RYR2: variants seen among roughly 807,000 people sequenced by gnomAD.
RYR2 encodes ryanodine receptor 2.
A neutral mutation model predicts 601.1 loss-of-function variants in RYR2; 227 were observed. The observed-to-expected ratio is 0.38, with a 90% CI of 0.34 to 0.42. RYR2 has a LOEUF of 0.42. Ranked by LOEUF, RYR2 falls within the 10% of genes least tolerant of loss-of-function variation. The pLI is 1.00. For synonymous variants in RYR2, 2,223 were observed against 2,175.1 expected (o/e 1.02, Z -0.61); for missense variants, 4,646 against 6,156.5 (o/e 0.75, Z 8.21).
At chr1:237,248,363 G>C (rs531758041) in intron 1 of RYR2, among the ~76,000 whole-genome samples, 119 of 142,654 alleles carry the variant, frequency 8.3e-4, no homozygotes, top group Non-Finnish European at 1.6e-3. Flanking sequence ...TACTGCTTTG[G>C]GTTGTGCATT....
chr1:237,231,060 GA>G (rs984856534), intron 1 of RYR2, among the ~76,000 whole-genome samples: 1 of 151,440 alleles, frequency 6.6e-6, no homozygotes, highest in African/African-American at 2.4e-5. Flanking sequence ...TGAGGATTAT[GA>G]GATTTGTTTC....
chr1:237,689,922 G>A (rs762529066), intron 63 of RYR2, among the ~76,000 whole-genome samples: 1 of 149,202 alleles, frequency 6.7e-6, no homozygotes, highest in Non-Finnish European at 1.5e-5. Context: ...TCATCTCACT[G>A]CAACCTCCGC....
At chr1:237,150,894 A>G (rs540216744) in intron 1 of RYR2, among the ~76,000 whole-genome samples, 83 of 152,176 alleles carry the variant, frequency 5.5e-4, no homozygotes, top group Admixed American at 3.9e-3. Context: ...GAAGAAGAGT[A>G]TGCTGATTTG....
At chr1:237,208,956 A>ACATATATATATATG (rs1558427813) in intron 1 of RYR2, among the ~76,000 whole-genome samples, 1 of 98,036 alleles carries the variant, frequency 1.0e-5, no homozygotes, top group African/African-American at 3.5e-5. Flanking sequence ...ATATATATAT[A>ACATATATATATATG]TATATATATA....
chr1:237,413,221 A>C (rs1374561287), intron 10 of RYR2, among the ~76,000 whole-genome samples: 3 of 152,148 alleles, frequency 2.0e-5, no homozygotes, highest in African/African-American at 7.2e-5. Flanking sequence ...TAATCAAAAG[A>C]AGTCATCAGA....
In RYR2 at chr1:237,732,112, A is replaced by G. The variant is rs1558307580; in HGVS notation, c.11002A>G (p.Ile3668Val). ...GAGAGTTGATCCTCTACATCAGCTG[A>G]TCCTTCTGTTTAGTCGGACAGCTTT... ...TKRVDPLHQL[I>V]LLFSRTALTE... Residue 3668 changes from isoleucine to valine, a missense_variant, in exon 78 of 105, where the codon ATC becomes GTC. Around this residue, in one of 17 missense-constraint regions of RYR2, gnomAD observed 1,497 missense variants for 1,842.6 expected, o/e 0.81. Transcript: ENST00000366574. 2 of 1,611,616 alleles carry G rather than the reference A, an allele frequency of 1.2e-6. No individual in the cohort carries two copies. Among genetic ancestry groups the G allele is most frequent in the South Asian group, 1.1e-5 (1 of 90,856 alleles).
rs574247670 is a variant in RYR2 at position 237,525,242 on chromosome 1, G to A, written c.2823-5185G>A. ...TGAAGTATTTAATTTTCTTTTAAATGATGAGGATAATGGCCTCCAACTTTA... is the reference window on the plus strand; with the variant it reads ...TGAAGTATTTAATTTTCTTTTAAATAATGAGGATAATGGCCTCCAACTTTA... On this transcript the variant is annotated intron_variant, in intron 24 of 104. Transcript: ENST00000366574. Among the ~76,000 whole-genome samples the A allele has an allele frequency of 6.3e-3, 961 of 152,224 alleles. 8 individuals carry two copies. The highest frequency in any genetic ancestry group is 0.041 in the Middle Eastern group (12 of 294).
chr1:237,631,058 A>G (rs750580828), intron 41 of RYR2, among the ~76,000 whole-genome samples: 6 of 152,216 alleles, frequency 3.9e-5, no homozygotes, highest in African/African-American at 7.2e-5. Flanking sequence ...ATACTTATAT[A>G]TGAAGAATTT....
intron 1 of RYR2, among the ~76,000 whole-genome samples, chr1:237,187,468 A>T (rs1472326069): frequency 6.4e-5 from 1 of 15,554 alleles, no homozygotes; most frequent in Admixed American, 9.2e-4. Context: ...TTTTTGAGAC[A>T]AGTCTCACTC....
At chr1:237,805,930 C>CTAT (rs1351129376) in intron 98 of RYR2, among the ~76,000 whole-genome samples, 1 of 152,144 alleles carries the variant, frequency 6.6e-6, no homozygotes, top group East Asian at 1.9e-4. Flanking sequence ...AAATCTCTCC[C>CTAT]TATTCCTACC....
chr1:237,458,759 G>T (rs1453057556), intron 16 of RYR2, among the ~76,000 whole-genome samples: 1 of 151,286 alleles, frequency 6.6e-6, no homozygotes, highest in African/African-American at 2.4e-5. Context: ...AAAGAAAAAA[G>T]AATGCATTTT....
intron 1 of RYR2, among the ~76,000 whole-genome samples, chr1:237,047,120 T>A (rs1417072038): frequency 6.6e-6 from 1 of 152,170 alleles, no homozygotes; most frequent in Non-Finnish European, 1.5e-5. Flanking sequence ...TCCAAGTTAG[T>A]GGCATTTAGT....
intron 10 of RYR2, among the ~76,000 whole-genome samples, chr1:237,412,836 C>T (rs1456365237): frequency 1.3e-5 from 2 of 152,240 alleles, no homozygotes; most frequent in Non-Finnish European, 2.9e-5. Context: ...AGGGCATTTG[C>T]TCTGAGTATA....
intron 1 of RYR2, among the ~76,000 whole-genome samples, chr1:237,116,585 T>C (rs889324913): frequency 3.3e-5 from 5 of 152,186 alleles, no homozygotes; most frequent in African/African-American, 1.2e-4. Flanking sequence ...TACTATTTAC[T>C]ATATTTATTT....
chr1:237,112,590 AT>A (rs557083319), intron 1 of RYR2, among the ~76,000 whole-genome samples: 16,093 of 142,696 alleles, frequency 0.11, 1,140 homozygotes, highest in Non-Finnish European at 0.15. Flanking sequence ...AAAAAAAAAA[AT>A]TAGCTAATGG....
intron 2 of RYR2, among the ~76,000 whole-genome samples, chr1:237,288,961 C>T (rs898203523): frequency 2.0e-5 from 3 of 152,160 alleles, no homozygotes; most frequent in African/African-American, 7.2e-5. Flanking sequence ...GGGGACCCAG[C>T]GAGCTCCCAG....
At chr1:237,716,024 T>G (rs1689238200) in intron 71 of RYR2, among the ~76,000 whole-genome samples, 1 of 152,180 alleles carries the variant, frequency 6.6e-6, no homozygotes, top group Non-Finnish European at 1.5e-5. Flanking sequence ...ATGGGATTCA[T>G]GCAATAAGCA....
chr1:237,272,142 A>G (rs1248919604), intron 2 of RYR2, among the ~76,000 whole-genome samples: 1 of 152,112 alleles, frequency 6.6e-6, no homozygotes, highest in Non-Finnish European at 1.5e-5. Flanking sequence ...AGAAAAGAAA[A>G]AGAAAGAGAA....
intron 14 of RYR2, among the ~76,000 whole-genome samples, chr1:237,451,984 GTGTT>G (rs60339602): frequency 0.016 from 2,311 of 141,858 alleles, 28 homozygotes; most frequent in East Asian, 0.096. Flanking sequence ...GTGTGTATGT[GTGTT>G]TGTGTGTGTG....
Sources: allele counts gnomAD v4.1 joint callset (sites outside exome capture counted in the v4.1 genomes callset), GRCh38; gene constraint gnomAD v4.1.1; regional missense constraint gnomAD v4.1.1; transcripts MANE v1.5; gene names NCBI Gene and HGNC (gene_info 2026-07-23, HGNC 2026-07-21).